RANBP2: variants seen among roughly 807,000 people sequenced by gnomAD.
RANBP2 encodes RAN binding protein 2.
Under a neutral mutation model 303.6 loss-of-function variants are expected in RANBP2, and 57 were observed. The observed-to-expected ratio is 0.19, with a 90% CI of 0.15 to 0.23. The LOEUF is 0.23. Among genes scored for constraint, RANBP2 ranks in the 10% least tolerant of loss-of-function variants. The pLI, the probability that RANBP2 is intolerant of heterozygous loss-of-function variation, is 1.00. For synonymous variants in RANBP2, 1,167 were observed against 1,301.5 expected (o/e 0.90, Z 2.23); for missense variants, 3,138 against 3,780.8 (o/e 0.83, Z 4.46).
chr2:109,678,581 C>A, the RANBP2 span, among the ~76,000 whole-genome samples: 1 of 152,204 alleles, frequency 6.6e-6, no homozygotes, highest in Admixed American at 6.5e-5. Flanking sequence ...ATGCAGAGAA[C>A]CTTTGTATAT....
At chr2:109,714,254 T>TG in the RANBP2 span, among the ~76,000 whole-genome samples, 1 of 149,532 alleles carries the variant, frequency 6.7e-6, no homozygotes, top group East Asian at 2.0e-4. Context: ...CCTGGCTAAT[T>TG]TGTGTGTGTG....
chr2:109,031,232 T>C, the RANBP2 span, among the ~76,000 whole-genome samples: 3 of 152,050 alleles, frequency 2.0e-5, no homozygotes, highest in African/African-American at 7.2e-5. Context: ...CATCAAGGTG[T>C]CAGCAGTGAG....
the RANBP2 span, among the ~76,000 whole-genome samples, chr2:109,736,954 C>T: frequency 6.6e-6 from 1 of 151,390 alleles, no homozygotes; most frequent in East Asian, 1.9e-4. Flanking sequence ...TTGACATTTT[C>T]AAGCTGAAAA....
chr2:109,704,980 G>A, the RANBP2 span, among the ~76,000 whole-genome samples: 2 of 151,852 alleles, frequency 1.3e-5, no homozygotes, highest in African/African-American at 4.8e-5. Context: ...ATGAAGCAAT[G>A]AGAAATCACT....
At chr2:109,382,678 A>C in the RANBP2 span, among the ~76,000 whole-genome samples, 2 of 152,166 alleles carry the variant, frequency 1.3e-5, no homozygotes, top group Admixed American at 6.5e-5. Context: ...TCTGCCACTG[A>C]ATCTTCAGAA....
At chr2:109,447,936 A>G in the RANBP2 span, among the ~76,000 whole-genome samples, 1 of 152,180 alleles carries the variant, frequency 6.6e-6, no homozygotes, top group African/African-American at 2.4e-5. Flanking sequence ...TTCGACATGC[A>G]GGCAGAGCAG....
chr2:108,803,589 A>G, the RANBP2 span, among the ~76,000 whole-genome samples: 2 of 152,124 alleles, frequency 1.3e-5, no homozygotes, highest in Non-Finnish European at 2.9e-5. Context: ...ACAGATGTGC[A>G]CCACTGTGCC....
At chr2:109,581,566 G>T in the RANBP2 span, among the ~76,000 whole-genome samples, 1 of 151,484 alleles carries the variant, frequency 6.6e-6, no homozygotes, top group African/African-American at 2.4e-5. Flanking sequence ...TGGCTCCTCT[G>T]GGGGAAGAAA....
chr2:109,471,206 CAAAAAAAAAAAAA>C, the RANBP2 span, among the ~76,000 whole-genome samples: 6 of 40,144 alleles, frequency 1.5e-4, no homozygotes, highest in South Asian at 1.1e-3. Context: ...GACTCTGTCT[CAAAAAAAAAAAAA>C]AAAAAAAAAA....
chr2:109,523,943 TG>T, the RANBP2 span, among the ~76,000 whole-genome samples: 3,946 of 152,282 alleles, frequency 0.026, 63 homozygotes, highest in South Asian at 0.073. Flanking sequence ...TAAGGAGCTG[TG>T]GTGCACAGCC....
the RANBP2 span, among the ~76,000 whole-genome samples, chr2:108,989,702 AACC>A: frequency 6.6e-6 from 1 of 152,146 alleles, no homozygotes; most frequent in Non-Finnish European, 1.5e-5. Context: ...AACTTCAGAT[AACC>A]ATACACACCC....
At chr2:109,362,694 C>G in the RANBP2 span, among the ~76,000 whole-genome samples, 1 of 152,140 alleles carries the variant, frequency 6.6e-6, no homozygotes, top group Non-Finnish European at 1.5e-5. Flanking sequence ...AGCTGTAATA[C>G]TGGATTCATC....
the RANBP2 span, among the ~76,000 whole-genome samples, chr2:109,632,854 AACTT>A: frequency 6.6e-6 from 1 of 152,040 alleles, no homozygotes; most frequent in Non-Finnish European, 1.5e-5. Flanking sequence ...GCAAAACAAA[AACTT>A]GACGTCCAAG....
At chr2:109,290,680 G>C in the RANBP2 span, among the ~76,000 whole-genome samples, 7 of 152,286 alleles carry the variant, frequency 4.6e-5, no homozygotes, top group East Asian at 1.4e-3. Context: ...TTGGGAGCAA[G>C]GATGCAGACC....
chr2:108,878,614 A>G, the RANBP2 span, among the ~76,000 whole-genome samples: 3 of 152,240 alleles, frequency 2.0e-5, no homozygotes, highest in Admixed American at 2.0e-4. Flanking sequence ...GCTCTGCAGT[A>G]GTAGGGTGGT....
chr2:109,574,156 G>A, the RANBP2 span, among the ~76,000 whole-genome samples: 1 of 151,798 alleles, frequency 6.6e-6, no homozygotes, highest in East Asian at 1.9e-4. Context: ...AGATTTCCAG[G>A]CGCTGGGCAT....
the RANBP2 span, among the ~76,000 whole-genome samples, chr2:109,246,315 A>G: frequency 6.6e-6 from 1 of 152,210 alleles, no homozygotes; most frequent in Non-Finnish European, 1.5e-5. Context: ...ACTGGCCTCC[A>G]GGTTCACAGA....
At chr2:109,240,473 CAAAA>C in the RANBP2 span, among the ~76,000 whole-genome samples, 1 of 151,952 alleles carries the variant, frequency 6.6e-6, no homozygotes, top group Non-Finnish European at 1.5e-5. Context: ...GGGCGACAAA[CAAAA>C]AAACAAACAA....
At chr2:109,415,987 C>T in the RANBP2 span, among the ~76,000 whole-genome samples, 1 of 152,164 alleles carries the variant, frequency 6.6e-6, no homozygotes, top group African/African-American at 2.4e-5. Context: ...AGCAGCAGGA[C>T]CTGAGCCAGC....
Sources: gnomAD v4.1 joint callset for allele counts (sites outside exome capture counted in the v4.1 genomes callset) on GRCh38, gnomAD v4.1.1 for gene constraint, MANE v1.5 for transcripts, NCBI Gene and HGNC (gene_info 2026-07-23, HGNC 2026-07-21) for gene names.